IL3RA: variants seen among roughly 807,000 people sequenced by gnomAD.
IL3RA encodes the protein interleukin 3 receptor subunit alpha.
A neutral mutation model predicts 52.3 loss-of-function variants in IL3RA; 73 were observed. The observed-to-expected ratio is 1.40, with a 90% CI of 1.16 to 1.70. The LOEUF (loss-of-function observed/expected upper bound fraction) is 1.70, where lower values mean the gene tolerates loss of function less well. Ranked by LOEUF, IL3RA falls within the 40% of genes most tolerant of loss-of-function variation. IL3RA has a pLI of 0.00. For synonymous variants in IL3RA, 260 were observed against 194.0 expected (o/e 1.34, Z -2.83); for missense variants, 664 against 504.4 (o/e 1.32, Z -3.03).
In IL3RA at chrX:1,382,488, G is replaced by C; in HGVS notation, c.*23G>C. ...TGAGACTGGGGTTCAGGGCTTGTGG[G>C]GGTCTGCCTCAATCTCCCTGGCCGG... On this transcript the variant is annotated 3_prime_UTR_variant, in exon 12 of 12. Transcript: ENST00000331035. 1 of 1,610,492 alleles carries C rather than the reference G, an allele frequency of 6.2e-7. No individual in the cohort carries two copies. Among genetic ancestry groups the C allele is most frequent in the South Asian group, 1.1e-5 (1 of 91,014 alleles).
At chrX:1,381,254 C>T (rs1427373554) in intron 11 of IL3RA, 150 bp downstream of exon 11, 38 of 734,276 alleles carry the variant, frequency 5.2e-5, no homozygotes, top group Middle Eastern at 3.3e-4. Context: ...CAAAATTAGC[C>T]GGGTGTGGTG....
chrX:1,348,668 T>TTC (rs372160476), intron 4 of IL3RA, 123 bp downstream of exon 4: 6 of 462,908 alleles, frequency 1.3e-5, no homozygotes, highest in Admixed American at 8.6e-5. Context: ...CTTTCTTTCT[T>TTC]TCTTTCTTTC....
rs2087830156 is a variant in IL3RA, at chrX:1,365,204, G to GA, written c.829dup (p.Arg277LysfsTer4). ...GTACACAGTACAAATAAGAGCCCGG[G>GA]AAAGAGTGTATGAATTCTTGAGCGC... On this transcript the variant is annotated frameshift_variant, in exon 9 of 12. Coordinates refer to ENST00000331035, the MANE Select transcript of IL3RA (RefSeq NM_002183.4). LOFTEE classifies it high-confidence loss of function. 2 of 1,611,172 alleles carry GA rather than the reference G, an allele frequency of 1.2e-6. No homozygotes were observed. Among genetic ancestry groups the GA allele is most frequent in the Admixed American group, 1.7e-5 (1 of 59,972 alleles).
At position 1,336,788 on chromosome X, in the gene IL3RA, C is replaced by T. The variant is rs1285658006; in HGVS notation, c.-177C>T. On this transcript the variant is annotated 5_prime_UTR_variant, in exon 1 of 12. Transcript: ENST00000331035. ...CAGCTCAATCGGGGAGTACAACCTT[C>T]GGTTTCTCTTCGGGGAAAGCTGCTT... is the stretch of plus-strand genomic sequence containing the variant. The T allele has an allele frequency of 2.6e-5, 4 of 152,140 alleles. No homozygotes were observed. The highest frequency in any genetic ancestry group is 7.2e-5 in the African/African-American group (3 of 41,436). The allele number at this position is 152,140 out of a possible 1,614,324, so 9.4% of individuals were successfully genotyped here. A position where few individuals can be genotyped will look rare whatever the true frequency, so the allele number is the denominator to read the frequency against.
chrX:1,364,786 C>T (rs867691768), intron 8 of IL3RA, among the ~76,000 whole-genome samples: 1 of 127,904 alleles, frequency 7.8e-6, no homozygotes, highest in Admixed American at 8.0e-5. Flanking sequence ...CCCCTCTTTT[C>T]TTCTTTTATT....
chrX:1,358,883 A>G lies in IL3RA; in HGVS notation c.755A>G (p.Glu252Gly). ...CAGAGAATGCAGCCTGTAATCACAGAACAGGTGAGTGTTCCCTACCCCCAG... is the reference window on the plus strand; with the variant it reads ...CAGAGAATGCAGCCTGTAATCACAGGACAGGTGAGTGTTCCCTACCCCCAG... ...IQKRMQPVIT[E>G]QVRDRTSFQL... The change falls in exon 8 of 12, where the codon GAA (glutamate) becomes GGA (glycine). Residue 252 changes from glutamate to glycine, a missense_variant. Glu to Gly is a moderately conservative substitution (Grantham distance 98). Transcript: ENST00000331035. 1 of 1,612,946 alleles carries G rather than the reference A, an allele frequency of 6.2e-7. No individual in the cohort carries two copies. The highest frequency in any genetic ancestry group is 8.5e-7 in the Non-Finnish European group (1 of 1,179,388).
At chrX:1,342,025 C>T (rs61303955) in intron 2 of IL3RA, among the ~76,000 whole-genome samples, 196 bp downstream of exon 2, 138,119 of 152,054 alleles carry the variant, frequency 0.91, 63,090 homozygotes, top group Middle Eastern at 0.98. Flanking sequence ...TCTTGCAAAA[C>T]GGTAATACGA....
chrX:1,351,389 C>T lies in IL3RA; in HGVS notation c.299-711C>T, dbSNP rs112075911. ...TGTCACACAGGCTGGAGTGCAGTGACGTGGCCTGGGCTCACTGCAACCTCT... is the reference window on the plus strand; with the variant it reads ...TGTCACACAGGCTGGAGTGCAGTGATGTGGCCTGGGCTCACTGCAACCTCT... On this transcript the variant is annotated intron_variant, in intron 4 of 11. Transcript: ENST00000331035. 5.2e-3 allele frequency among the ~76,000 whole-genome samples: 794 copies of T among 152,048 alleles called. 8 individuals carry two copies. Among genetic ancestry groups the T allele is most frequent in the African/African-American group, 0.018 (764 of 41,484 alleles).
chrX:1,341,960 G>A lies in IL3RA; in HGVS notation c.64+131G>A, dbSNP rs1277955943. On this transcript the variant is annotated intron_variant, in intron 2 of 11. Transcript: ENST00000331035. ...CATGGCAGAGTCTCATGCAGTGGTC[G>A]GGAATGACTCAGACACTTCCCTGTA... The A allele has an allele frequency of 1.7e-5, 16 of 951,414 alleles. 1 individual carries two copies. The highest frequency in any genetic ancestry group is 1.1e-4 in the South Asian group (8 of 71,710). 58.9% of individuals were successfully genotyped at this position (951,414 alleles called of 1,614,324 possible).
chrX:1,359,638 A>G (rs748222849), intron 8 of IL3RA, among the ~76,000 whole-genome samples: 1 of 85,030 alleles, frequency 1.2e-5, no homozygotes, highest in Non-Finnish European at 2.3e-5. Context: ...CCCTCTCTCT[A>G]TCTTTCTCTC....
chrX:1,340,911 G>T (rs1265632014), intron 1 of IL3RA, among the ~76,000 whole-genome samples: 2 of 152,156 alleles, frequency 1.3e-5, no homozygotes, highest in African/African-American at 2.4e-5. Context: ...GAGGTCAGGA[G>T]TTCGAGACCA....
At chrX:1,367,414 G>C (rs2088180993) in intron 9 of IL3RA, among the ~76,000 whole-genome samples, 1 of 66,484 alleles carries the variant, frequency 1.5e-5, no homozygotes, top group Non-Finnish European at 2.8e-5. Context: ...GGGGTGAGCC[G>C]GGTGCGCGGG....
chrX:1,378,916 C>T (rs2088988451), intron 10 of IL3RA, 152 bp downstream of exon 10: 1 of 743,590 alleles, frequency 1.3e-6, no homozygotes, highest in African/African-American at 1.7e-5. Context: ...GATCTGGGCT[C>T]ACTGCAGCCT....
intron 8 of IL3RA, among the ~76,000 whole-genome samples, chrX:1,360,161 C>G (rs1180396934): frequency 1.5e-5 from 2 of 133,392 alleles, no homozygotes; most frequent in Non-Finnish European, 3.5e-5. Context: ...CTCTCCCTTT[C>G]TCCCTCCCTC....
intron 3 of IL3RA, among the ~76,000 whole-genome samples, chrX:1,346,613 A>G (rs1452980971): frequency 6.6e-6 from 1 of 151,572 alleles, no homozygotes; most frequent in Non-Finnish European, 1.5e-5. Context: ...TCTCAAAACA[A>G]AAACAAAAAC....
Position 1,381,089 on chromosome X carries a change from C to G in IL3RA, c.1047C>G (p.Phe349Leu). Residue 349 changes from phenylalanine (F) to leucine (L), a missense_variant, in exon 11 of 12, where the codon TTC (phenylalanine) becomes TTG (leucine). By Grantham distance (22) the Phe-to-Leu change is conservative (BLOSUM62 0). Transcript: ENST00000331035. ...TGAAAGACCCCATCGGTGACAGCTT[C>G]CAAAACGACAAGCTGGTATGTTGTT... The part of the protein sequence containing the change: ...PHMKDPIGDS[F>L]QNDKLVVWEA... The G allele has an allele frequency of 6.2e-7, 1 of 1,613,884 alleles. No homozygotes were observed. Among genetic ancestry groups the G allele is most frequent in the Non-Finnish European group, 8.5e-7 (1 of 1,179,818 alleles).
chrX:1,338,526 C>T (rs771782633), intron 1 of IL3RA, among the ~76,000 whole-genome samples: 189 of 152,292 alleles, frequency 1.2e-3, no homozygotes, highest in Non-Finnish European at 2.2e-3. Flanking sequence ...TCCAGCCACA[C>T]GGTGGAATAT....
intron 6 of IL3RA, among the ~76,000 whole-genome samples, chrX:1,352,893 G>A (rs2086192048): frequency 2.1e-5 from 1 of 47,112 alleles, no homozygotes; most frequent in South Asian, 6.2e-4. Flanking sequence ...CCCCCATGAT[G>A]GGTTTCATCA....
chrX:1,380,006 C>T (rs1308388897), intron 10 of IL3RA, among the ~76,000 whole-genome samples: 5 of 151,606 alleles, frequency 3.3e-5, no homozygotes, highest in Non-Finnish European at 4.4e-5. Flanking sequence ...GTGATCCACC[C>T]GCCTCGGCCT....
Sources: gnomAD v4.1 joint callset for allele counts (sites outside exome capture counted in the v4.1 genomes callset) on GRCh38, gnomAD v4.1.1 for gene constraint, MANE v1.5 for transcripts, NCBI Gene and HGNC (gene_info 2026-07-23, HGNC 2026-07-21) for gene names.